The following NRG3 variants were observed in gnomAD, a reference collection of about 807,000 sequenced individuals.
NRG3 encodes the protein pro-neuregulin-3, membrane-bound isoform.
NRG3 carries 31 observed loss-of-function variants against 66.9 expected under a neutral mutation model. The observed-to-expected ratio is 0.46, with a 90% confidence interval of 0.35 to 0.63. The LOEUF (loss-of-function observed/expected upper bound fraction) is 0.63. Ranked by LOEUF, NRG3 falls within the 20% of genes least tolerant of loss-of-function variation. The pLI, the probability that NRG3 is intolerant of heterozygous loss-of-function variation, is 0.00. For missense variants in NRG3, 910 were observed against 878.9 expected (o/e 1.04, Z -0.45); for synonymous variants, 393 against 359.4 (o/e 1.09, Z -1.06).
intron 1 of NRG3, among the ~76,000 whole-genome samples, chr10:82,341,505 G>A (rs138124523): frequency 5.9e-5 from 9 of 152,186 alleles, no homozygotes; most frequent in Non-Finnish European, 2.9e-5. Context: ...ATTACTGCAT[G>A]CTGACTTCTA....
chr10:82,326,673 A>T (rs1445644782), intron 1 of NRG3, among the ~76,000 whole-genome samples: 1 of 152,130 alleles, frequency 6.6e-6, no homozygotes, highest in Non-Finnish European at 1.5e-5. Flanking sequence ...TGTGTCTTCC[A>T]TCCCATCCAG....
At position 82,181,390 on chromosome 10, in the gene NRG3, A is replaced by T. The variant is rs138024789; in HGVS notation, c.824-177349A>T. ...AAGATCTTTCTTCTTTTTTAATGTC[A>T]GTGTTCATTGCAATATACTTCTCTC... is the stretch of plus-strand genomic sequence containing the variant. On this transcript the variant is annotated intron_variant, in intron 1 of 8. Transcript: ENST00000372141. 2.4e-3 allele frequency among the ~76,000 whole-genome samples: 362 copies of T among 151,648 alleles called. 1 individual carries two copies. The highest frequency in any genetic ancestry group is 3.1e-3 in the Non-Finnish European group (211 of 67,668).
intron 1 of NRG3, among the ~76,000 whole-genome samples, 194 bp downstream of exon 1, chr10:81,876,357 G>T (rs1841646562): frequency 6.6e-6 from 1 of 152,160 alleles, no homozygotes; most frequent in Non-Finnish European, 1.5e-5. Context: ...TGGGGGGGTG[G>T]GGGCGTGTAG....
intron 6 of NRG3, among the ~76,000 whole-genome samples, chr10:82,970,767 G>T (rs1851647852): frequency 1.3e-5 from 2 of 151,918 alleles, no homozygotes; most frequent in African/African-American, 2.4e-5. Flanking sequence ...TAGGTGTTTT[G>T]TCCTGGTAAC....
chr10:82,240,762 G>A (rs1280038165), intron 1 of NRG3, among the ~76,000 whole-genome samples: 3 of 152,162 alleles, frequency 2.0e-5, no homozygotes, highest in Non-Finnish European at 1.5e-5. Flanking sequence ...TGATACAAGT[G>A]TGTTTAGAGA....
intron 2 of NRG3, among the ~76,000 whole-genome samples, chr10:82,663,979 C>T (rs1356741467): frequency 6.6e-6 from 1 of 152,212 alleles, no homozygotes; most frequent in East Asian, 1.9e-4. Context: ...GATCAACGAA[C>T]TGGGCAGCCT....
At chr10:81,942,204 A>T (rs931170652) in intron 1 of NRG3, among the ~76,000 whole-genome samples, 3 of 152,136 alleles carry the variant, frequency 2.0e-5, no homozygotes, top group Admixed American at 6.6e-5. Flanking sequence ...CTAGGGCAGA[A>T]AAGATGTTTG....
intron 8 of NRG3, 46 bp downstream of exon 8, chr10:82,979,166 G>T (rs571245435): frequency 1.3e-6 from 2 of 1,581,754 alleles, no homozygotes; most frequent in Non-Finnish European, 1.7e-6. Context: ...TGTCTTTAAT[G>T]CCATAGCTTT....
chr10:82,492,585 T>C (rs770414607), intron 2 of NRG3, among the ~76,000 whole-genome samples: 2 of 152,166 alleles, frequency 1.3e-5, no homozygotes, highest in Non-Finnish European at 2.9e-5. Flanking sequence ...ATCTTGGAGC[T>C]AAAAGTAGTC....
intron 5 of NRG3, among the ~76,000 whole-genome samples, chr10:82,953,312 G>A (rs1564660763): frequency 6.6e-6 from 1 of 151,978 alleles, no homozygotes; most frequent in Non-Finnish European, 1.5e-5. Context: ...ATTTTTCAAA[G>A]TCATAAAGAA....
chr10:82,653,629 C>A (rs2051601872), intron 2 of NRG3, among the ~76,000 whole-genome samples: 2 of 149,800 alleles, frequency 1.3e-5, no homozygotes, highest in South Asian at 2.1e-4. Context: ...CATTCTCATA[C>A]AACTAGTTCA....
intron 1 of NRG3, among the ~76,000 whole-genome samples, chr10:82,168,701 G>T (rs1248635228): frequency 6.6e-6 from 1 of 152,064 alleles, no homozygotes; most frequent in African/African-American, 2.4e-5. Flanking sequence ...AATTAACCCA[G>T]CAGTGTGGAG....
At chr10:82,013,282 G>A (rs1171960435) in intron 1 of NRG3, among the ~76,000 whole-genome samples, 1 of 152,080 alleles carries the variant, frequency 6.6e-6, no homozygotes, top group Non-Finnish European at 1.5e-5. Flanking sequence ...TTGACTATCA[G>A]GAGAACAGTA....
In NRG3 at chr10:82,037,325, C is replaced by T. The variant is rs961069772; in HGVS notation, c.823+161162C>T. Reference sequence around the variant, plus strand: ...CTTTTACTGGGCACCAAGCCCAGCTCCATCAGGGCAGAATGTGGAGCTCAG... The same window carrying T: ...CTTTTACTGGGCACCAAGCCCAGCTTCATCAGGGCAGAATGTGGAGCTCAG... On this transcript the variant is annotated intron_variant, in intron 1 of 8. Transcript: ENST00000372141. Among the ~76,000 whole-genome samples the T allele has an allele frequency of 1.3e-5, 2 of 152,102 alleles. 1 individual carries two copies. The highest frequency in any genetic ancestry group is 2.9e-5 in the Non-Finnish European group (2 of 68,000).
chr10:82,934,399 T>C (rs1332565616), intron 4 of NRG3, among the ~76,000 whole-genome samples: 1 of 152,226 alleles, frequency 6.6e-6, no homozygotes, highest in Non-Finnish European at 1.5e-5. Flanking sequence ...TATCCTCCAA[T>C]CACCTTGTGG....
intron 1 of NRG3, among the ~76,000 whole-genome samples, chr10:82,248,307 TCTC>T (rs1218299384): frequency 6.6e-6 from 1 of 152,176 alleles, no homozygotes; most frequent in African/African-American, 2.4e-5. Context: ...AGCTTCTTGG[TCTC>T]CTCTGTCTAC....
chr10:81,910,114 A>G (rs1345190648), intron 1 of NRG3, among the ~76,000 whole-genome samples: 2 of 152,220 alleles, frequency 1.3e-5, no homozygotes, highest in African/African-American at 4.8e-5. Context: ...GGTTTTCTCA[A>G]TTAGCATTTT....
At chr10:82,021,611 A>G (rs1325398487) in intron 1 of NRG3, among the ~76,000 whole-genome samples, 1 of 152,084 alleles carries the variant, frequency 6.6e-6, no homozygotes, top group East Asian at 1.9e-4. Context: ...TTTGCTCTGG[A>G]AGAATAGAGA....
chr10:82,298,414 T>C (rs141095716), intron 1 of NRG3, among the ~76,000 whole-genome samples: 5 of 152,210 alleles, frequency 3.3e-5, no homozygotes, highest in Admixed American at 3.3e-4. Context: ...TGTTAACATT[T>C]AGCTTTTAAA....
Sources: allele counts gnomAD v4.1 joint callset (sites outside exome capture counted in the v4.1 genomes callset), GRCh38; gene constraint gnomAD v4.1.1; transcripts MANE v1.5; gene names NCBI Gene and HGNC (gene_info 2026-07-23, HGNC 2026-07-21).